Variants in CLEC18B observed in about 807,000 individuals in gnomAD.
The protein encoded by CLEC18B is C-type lectin domain family 18 member B, also known as mannose receptor-like 2.
Under a neutral mutation model 60.4 loss-of-function variants are expected in CLEC18B, and 5 were observed. That is an observed-to-expected ratio of 0.08 (90% CI 0.04 to 0.17). CLEC18B has a LOEUF of 0.17. CLEC18B is among the 10% of genes least tolerant of loss of function. The pLI is 1.00. For missense variants in CLEC18B, 26 were observed against 572.8 expected, an observed-to-expected ratio of 0.05 and a Z score of 9.74; for synonymous variants, 16 against 221.2, an observed-to-expected ratio of 0.07 and a Z score of 8.23.
At chr16:74,423,491 C>T (rs559041539), upstream of CLEC18B, among the ~76,000 whole-genome samples, 83 of 152,386 alleles carry the variant, frequency 5.4e-4, 1 homozygote, top group East Asian at 0.016. Context: ...GAGCTTGAGA[C>T]CAGCCTGGCC....
intron 5 of CLEC18B, 51 bp downstream of exon 5, chr16:74,412,986 A>T (rs2013245465): frequency 6.2e-7 from 1 of 1,611,994 alleles, no homozygotes; most frequent in Non-Finnish European, 8.5e-7. Context: ...GCCCAGTAGG[A>T]TGCTACCACC....
chr16:74,421,947 G>T (rs2013704934), upstream of CLEC18B: 2 of 142,296 alleles, frequency 1.4e-5, no homozygotes, highest in Non-Finnish European at 3.0e-5. Context: ...GGTGCCTTAG[G>T]AAAGTCTGTC....
upstream of CLEC18B, chr16:74,422,540 G>A (rs2013726020): frequency 6.6e-6 from 1 of 150,432 alleles, no homozygotes; most frequent in African/African-American, 2.5e-5. Context: ...CATGAAGGCG[G>A]TCTGGAACTG....
At chr16:74,409,754 C>G (rs1407257318) in intron 10 of CLEC18B, 113 bp from the exon 11 acceptor site, 13 of 1,612,292 alleles carry the variant, frequency 8.1e-6, no homozygotes, top group Non-Finnish European at 1.1e-5. Context: ...GTGCCCCCAC[C>G]TGCCGACGGG....
upstream of CLEC18B, chr16:74,422,345 CTA>C (rs1469591663): frequency 6.6e-6 from 1 of 152,352 alleles, no homozygotes; most frequent in African/African-American, 2.4e-5. Flanking sequence ...TGCAAACCAA[CTA>C]CGTCCTCCTT....
rs1350977188 is a variant in CLEC18B at position 74,420,601 on chromosome 16, G to GCTCC, written c.125-10_125-9insGGAG. ...CTCCTTCCTGTTCAGGGCTGGGGTG[G>GCTCC]GGAGAGAAGGTCAGGCAGCCCGAGG... is the stretch of plus-strand genomic sequence containing the variant. On this transcript the variant is annotated splice_polypyrimidine_tract_variant and intron_variant, in intron 1 of 11. Coordinates refer to ENST00000682950, the MANE Select transcript of CLEC18B (RefSeq NM_001385193.1). 2.5e-5 allele frequency: 29 copies of GCTCC among 1,140,412 alleles called. No homozygotes were observed. The Admixed American group carries it at 7.7e-4, about 30-fold the overall frequency. The allele number at this position is 1,140,412 out of a possible 1,614,324, so 70.6% of individuals were successfully genotyped here.
chr16:74,413,453 C>T, intron 4 of CLEC18B, 126 bp downstream of exon 4: 1 of 1,477,488 alleles, frequency 6.8e-7, no homozygotes, highest in East Asian at 2.4e-5. Context: ...TCCCCTCTCC[C>T]ACCAAGGGTG....
At chr16:74,423,946 G>T (rs2013758996), upstream of CLEC18B, among the ~76,000 whole-genome samples, 1 of 152,236 alleles carries the variant, frequency 6.6e-6, no homozygotes, top group Admixed American at 6.5e-5. Context: ...CCTGGGTTCA[G>T]ACTTTTTAGT....
intron 3 of CLEC18B, 123 bp from the exon 4 acceptor site, chr16:74,413,799 C>T: frequency 6.4e-7 from 1 of 1,564,818 alleles, no homozygotes; most frequent in Non-Finnish European, 8.8e-7. Context: ...TCAGGAGCAG[C>T]AGCTGTCCTG....
At chr16:74,421,972 G>A (rs1376202656), upstream of CLEC18B, 25 of 143,408 alleles carry the variant, frequency 1.7e-4, no homozygotes, top group Admixed American at 1.8e-3. Context: ...CAGGGTCGGG[G>A]GCTGGGCCCA....
chr16:74,419,009 G>A (rs2013551471), intron 2 of CLEC18B, among the ~76,000 whole-genome samples: 1 of 152,248 alleles, frequency 6.6e-6, no homozygotes, highest in Non-Finnish European at 1.5e-5. Flanking sequence ...GGCCATTGCT[G>A]GTGTCAAACT....
At chr16:74,418,536 T>C (rs1297214110) in intron 2 of CLEC18B, among the ~76,000 whole-genome samples, 2 of 146,564 alleles carry the variant, frequency 1.4e-5, no homozygotes, top group African/African-American at 2.5e-5. Flanking sequence ...TGGGCATCCT[T>C]CGGCCCTGCC....
chr16:74,418,634 C>G (rs1391939367), intron 2 of CLEC18B, among the ~76,000 whole-genome samples: 6 of 151,628 alleles, frequency 4.0e-5, no homozygotes, highest in African/African-American at 1.5e-4. Context: ...TGTGTTTGGG[C>G]CCTGGCCATT....
At chr16:74,413,488 C>A in intron 4 of CLEC18B, 91 bp downstream of exon 4, 1 of 1,585,880 alleles carries the variant, frequency 6.3e-7, no homozygotes, top group Non-Finnish European at 8.6e-7. Context: ...AGGGACTCTA[C>A]TTTCGGGTGG....
chr16:74,409,418 G>A, intron 11 of CLEC18B, 132 bp downstream of exon 11: 3 of 1,398,966 alleles, frequency 2.1e-6, no homozygotes, highest in Non-Finnish European at 3.0e-6. Flanking sequence ...CCATCAACAG[G>A]GCATCCTCTA....
Position 74,409,750 on chromosome 16 carries a change from C to T in CLEC18B, c.1212-109G>A, listed in dbSNP as rs1473685492. ...CTGCATCTCAGGGGCTCCAGTGCCC[C>T]CACCTGCCGACGGGGCTGCTGGGAG... On this transcript the variant is annotated intron_variant, in intron 10 of 11. Transcript: ENST00000682950. 8.1e-6 allele frequency: 13 copies of T among 1,612,134 alleles called. No homozygotes were observed. In the African/African-American group the frequency reaches 1.6e-4, roughly 20 times the overall value.
intron 3 of CLEC18B, among the ~76,000 whole-genome samples, chr16:74,416,249 C>T (rs189480045): frequency 0.013 from 1,773 of 137,202 alleles, 2 homozygotes; most frequent in African/African-American, 0.043. Flanking sequence ...CGCGACAGAG[C>T]GAGACTCCGT....
chr16:74,417,349 ACGCCTGTAACCC>A (rs1177596760), intron 3 of CLEC18B, among the ~76,000 whole-genome samples: 1 of 117,086 alleles, frequency 8.5e-6, no homozygotes, highest in Non-Finnish European at 1.7e-5. Context: ...ATGGTGGCTC[ACGCCTGTAACCC>A]CAGCACTTTG....
intron 3 of CLEC18B, among the ~76,000 whole-genome samples, chr16:74,414,167 G>T (rs576976416): frequency 3.3e-5 from 5 of 152,406 alleles, no homozygotes; most frequent in African/African-American, 7.2e-5. Flanking sequence ...GAGCCACCGT[G>T]CCCAGCCTAG....
Sources: allele counts gnomAD v4.1 joint callset (sites outside exome capture counted in the v4.1 genomes callset), GRCh38; gene constraint gnomAD v4.1.1; transcripts MANE v1.5; gene names NCBI Gene and HGNC (gene_info 2026-07-23, HGNC 2026-07-21).